Variants in TMPRSS7 observed in about 807,000 individuals in gnomAD.
TMPRSS7 encodes transmembrane serine protease 7, also known as transmembrane protease serine 7.
In TMPRSS7, 81 loss-of-function variants were observed where a neutral mutation model predicts 95.6. That is an observed-to-expected ratio of 0.85 (90% CI 0.71 to 1.02). The LOEUF (loss-of-function observed/expected upper bound fraction) is 1.02. TMPRSS7 is among the 50% of genes least tolerant of loss of function. The pLI is 0.00. For missense variants in TMPRSS7, 945 were observed against 955.2 expected, an observed-to-expected ratio of 0.99 and a Z score of 0.14; for synonymous variants, 364 against 337.8, an observed-to-expected ratio of 1.08 and a Z score of -0.85.
At chr3:112,062,553 T>C (rs543362588) in intron 11 of TMPRSS7, among the ~76,000 whole-genome samples, 15 of 152,068 alleles carry the variant, frequency 9.9e-5, no homozygotes, top group African/African-American at 3.6e-4. Flanking sequence ...CACTGAAGAG[T>C]CCACAGGGAT....
chr3:112,075,285 T>G (rs750738369), intron 14 of TMPRSS7, 36 bp from the exon 15 acceptor site: 1 of 1,366,160 alleles, frequency 7.3e-7, no homozygotes, highest in Non-Finnish European at 9.5e-7. Flanking sequence ...TTCTTCCAAG[T>G]CTACCTTTAA....
chr3:112,059,768 G>A (rs545719911), intron 10 of TMPRSS7, among the ~76,000 whole-genome samples: 1 of 152,292 alleles, frequency 6.6e-6, no homozygotes, highest in East Asian at 1.9e-4. Context: ...AATTGCAAAA[G>A]ACTCTTCCTG....
chr3:112,046,990 T>C, exon 6 of TMPRSS7: 1 of 702,808 alleles, frequency 1.4e-6, no homozygotes, highest in Middle Eastern at 2.3e-4. Context: ...TTCGGTCGGA[T>C]TACTCGTCAA....
At position 112,044,446 on chromosome 3, in the gene TMPRSS7, T is replaced by G. The variant is rs557706213; in HGVS notation, c.497+124T>G. The G allele has an allele frequency of 3.3e-4, 262 of 805,802 alleles. 1 individual carries two copies. Among genetic ancestry groups the G allele is most frequent in the South Asian group, 1.2e-3 (78 of 67,314 alleles). 49.9% of individuals were successfully genotyped at this position (805,802 alleles called of 1,614,324 possible). On this transcript the variant is annotated intron_variant, in intron 4 of 17. Coordinates refer to ENST00000452346, the Ensembl canonical transcript of TMPRSS7. Reference sequence around the variant, plus strand: ...CTTGGAAGTGGTTGGGGATTCATACTGTATTAGCACAACTAGCGACTCAAC... The same window carrying G: ...CTTGGAAGTGGTTGGGGATTCATACGGTATTAGCACAACTAGCGACTCAAC...
exon 5 of TMPRSS7, chr3:112,045,834 C>T (rs938414430): frequency 6.4e-7 from 1 of 1,551,666 alleles, no homozygotes; most frequent in African/African-American, 1.4e-5. Flanking sequence ...TCTGTGAAGA[C>T]TGTGTTGCCG....
exon 8 of TMPRSS7, chr3:112,049,883 T>C: frequency 6.5e-7 from 1 of 1,549,932 alleles, no homozygotes; most frequent in East Asian, 2.3e-5. Flanking sequence ...CATTTGTTTC[T>C]ACAAATAATC....
At chr3:112,047,695 C>A (rs1427733840) in intron 6 of TMPRSS7, 44 bp from the exon 7 acceptor site, 5 of 1,422,962 alleles carry the variant, frequency 3.5e-6, no homozygotes, top group Middle Eastern at 1.8e-4. Context: ...AAAAGTCATT[C>A]CTAAAAAAAA....
exon 16 of TMPRSS7, chr3:112,077,011 G>A (rs1226195948): frequency 6.2e-7 from 1 of 1,614,160 alleles, no homozygotes; most frequent in East Asian, 2.2e-5. Flanking sequence ...ATATTGCTTT[G>A]CTACAGCTCA....
chr3:112,052,924 GAA>G (rs61299463), intron 9 of TMPRSS7, among the ~76,000 whole-genome samples: 5 of 139,174 alleles, frequency 3.6e-5, no homozygotes, highest in Non-Finnish European at 6.3e-5. Context: ...AAATGCTGAA[GAA>G]AAAAAAAAAA....
intron 17 of TMPRSS7, 45 bp downstream of exon 17, chr3:112,078,923 A>G (rs2107765795): frequency 6.2e-7 from 1 of 1,600,170 alleles, no homozygotes; most frequent in Non-Finnish European, 8.5e-7. Flanking sequence ...TGTGCTTTCC[A>G]TAAATGCTTT....
exon 10 of TMPRSS7, chr3:112,057,106 G>A: frequency 6.2e-7 from 1 of 1,612,242 alleles, no homozygotes; most frequent in African/African-American, 1.3e-5. Context: ...CTGTGAGCAT[G>A]GATGGTGGGA....
chr3:112,072,629 G>T lies in TMPRSS7; in HGVS notation c.1667-1667G>T, dbSNP rs956298463. On this transcript the variant is annotated intron_variant, in intron 13 of 17. Transcript: ENST00000452346. ...GCTGAGCTGCAGTGGGCTCCACCCA[G>T]TTTGAGCTTCCTGGCTGCTTTGTTT... Among the ~76,000 whole-genome samples the T allele has an allele frequency of 9.2e-5, 14 of 152,278 alleles. No individual in the cohort carries two copies. In the East Asian group the frequency reaches 2.5e-3, roughly 27 times the overall value.
chr3:112,076,297 G>A (rs940400737), intron 15 of TMPRSS7, among the ~76,000 whole-genome samples: 1 of 152,164 alleles, frequency 6.6e-6, no homozygotes, highest in African/African-American at 2.4e-5. Context: ...AGGTCATGGA[G>A]GTCAAGATTG....
At chr3:112,080,284 C>T (rs1255253523) in intron 17 of TMPRSS7, among the ~76,000 whole-genome samples, 1 of 152,168 alleles carries the variant, frequency 6.6e-6, no homozygotes, top group Non-Finnish European at 1.5e-5. Context: ...AAAGGACTCT[C>T]AAGTGAGAGT....
At chr3:112,066,823 T>G (rs1468201240) in intron 13 of TMPRSS7, among the ~76,000 whole-genome samples, 1 of 152,094 alleles carries the variant, frequency 6.6e-6, no homozygotes, top group Admixed American at 6.6e-5. Flanking sequence ...TGAAAACACT[T>G]TTTTTCTTTC....
chr3:112,051,628 C>CTATG (rs1170320564), intron 9 of TMPRSS7, among the ~76,000 whole-genome samples: 1 of 118,684 alleles, frequency 8.4e-6, no homozygotes, highest in Non-Finnish European at 1.7e-5. Context: ...TCTCTATCAT[C>CTATG]TATCTATCTA....
At chr3:112,075,413 G>T in exon 15 of TMPRSS7, 2 of 1,553,662 alleles carry the variant, frequency 1.3e-6, no homozygotes, top group East Asian at 2.5e-5. Flanking sequence ...CCTCCACTTT[G>T]TTGGATCTGC....
chr3:112,057,788 C>T (rs938754150), intron 10 of TMPRSS7, among the ~76,000 whole-genome samples: 1 of 151,958 alleles, frequency 6.6e-6, no homozygotes, highest in African/African-American at 2.4e-5. Context: ...TGCTGTGGTG[C>T]GATCTTGGCT....
At chr3:112,069,731 C>T (rs556863223) in intron 13 of TMPRSS7, among the ~76,000 whole-genome samples, 2 of 152,170 alleles carry the variant, frequency 1.3e-5, no homozygotes, top group East Asian at 3.9e-4. Context: ...CTTTATTAAT[C>T]TTGCTAGCGG....
Sources: gnomAD v4.1 joint callset for allele counts (sites outside exome capture counted in the v4.1 genomes callset) on GRCh38, gnomAD v4.1.1 for gene constraint, MANE v1.5 for transcripts, NCBI Gene and HGNC (gene_info 2026-07-23, HGNC 2026-07-21) for gene names.